The following SNAP29 variants were observed in gnomAD, a reference collection of about 807,000 sequenced individuals.
SNAP29 encodes synaptosome associated protein 29, also known as synaptosomal-associated protein 29.
SNAP29 carries 13 observed loss-of-function variants against 27.9 expected under a neutral mutation model. That is an observed-to-expected ratio of 0.47 (90% CI 0.30 to 0.74). SNAP29 has a LOEUF of 0.74. Among genes scored for constraint, SNAP29 ranks in the 30% least tolerant of loss-of-function variants. SNAP29 has a pLI of 0.06. For missense variants in SNAP29, 368 were observed against 336.5 expected (o/e 1.09, Z -0.73); for synonymous variants, 119 against 127.1 (o/e 0.94, Z 0.43).
At position 20,872,409 on chromosome 22, in the gene SNAP29, C is replaced by CT. The variant is rs362050; in HGVS notation, c.434+1885dup. Among the ~76,000 whole-genome samples, 887 of 149,898 alleles carry CT rather than the reference C, an allele frequency of 5.9e-3. 8 individuals carry two copies. Among genetic ancestry groups the CT allele is most frequent in the East Asian group, 0.055 (276 of 5,028 alleles). The stretch of plus-strand genomic sequence containing the variant: ...GTGCCCACACCATGCCTGGCTAATT[C>CT]TTTTTTTTTGAGACGGAGTCTCACT... On this transcript the variant is annotated intron_variant, in intron 2 of 4. Transcript: ENST00000215730.
At chr22:20,884,190 G>T (rs544854198) in intron 4 of SNAP29, among the ~76,000 whole-genome samples, 1 of 151,996 alleles carries the variant, frequency 6.6e-6, no homozygotes, top group Admixed American at 6.6e-5. Context: ...AAAATTAGCC[G>T]GGCGTGGTGG....
intron 2 of SNAP29, among the ~76,000 whole-genome samples, chr22:20,873,667 C>T (rs1312016133): frequency 1.3e-5 from 2 of 151,734 alleles, no homozygotes; most frequent in East Asian, 1.9e-4. Flanking sequence ...CCCGTCTCTA[C>T]AGAAAAACAC....
chr22:20,890,056 C>G lies in SNAP29; in HGVS notation c.*2220C>G. On this transcript the variant is annotated 3_prime_UTR_variant, in exon 5 of 5. Transcript: ENST00000215730. ...GGCCTCGTTTTGTCCTGTTCTTGTT[C>G]AGACCCTCTCGTTCTACGTCCTGTG... The G allele has an allele frequency of 1.8e-5, 7 of 389,426 alleles. No individual in the cohort carries two copies. Among genetic ancestry groups the G allele is most frequent in the Non-Finnish European group, 3.2e-5 (7 of 221,072 alleles). The allele number at this position is 389,426 out of a possible 1,614,324, so 24.1% of individuals were successfully genotyped here.
At chr22:20,871,482 TAAAAAA>T (rs58294079) in intron 2 of SNAP29, among the ~76,000 whole-genome samples, 9 of 64,154 alleles carry the variant, frequency 1.4e-4, no homozygotes, top group African/African-American at 5.0e-4. Flanking sequence ...TCCCTGTCTC[TAAAAAA>T]AAAAAAAAAA....
intron 1 of SNAP29, among the ~76,000 whole-genome samples, chr22:20,860,194 T>TAAAA (rs397721475): frequency 2.4e-3 from 328 of 138,948 alleles, no homozygotes; most frequent in African/African-American, 8.3e-3. Flanking sequence ...CCACTAAAAT[T>TAAAA]AAAAAAAAAA....
At chr22:20,882,171 C>T (rs1174958591) in intron 3 of SNAP29, among the ~76,000 whole-genome samples, 2 of 151,850 alleles carry the variant, frequency 1.3e-5, no homozygotes. Flanking sequence ...CACCCCGACT[C>T]AGCCCAGTGA....
At chr22:20,863,896 T>C (rs942899642) in intron 1 of SNAP29, among the ~76,000 whole-genome samples, 3 of 152,106 alleles carry the variant, frequency 2.0e-5, no homozygotes, top group African/African-American at 7.2e-5. Flanking sequence ...CTGGTCTGCA[T>C]GTGCTTAATA....
chr22:20,881,298 T>A (rs1179742148), intron 3 of SNAP29, among the ~76,000 whole-genome samples, 164 bp downstream of exon 3: 1 of 152,228 alleles, frequency 6.6e-6, no homozygotes, highest in Non-Finnish European at 1.5e-5. Flanking sequence ...GGACCCCGCA[T>A]GCTCTTGCGG....
intron 4 of SNAP29, among the ~76,000 whole-genome samples, chr22:20,885,140 A>C (rs1024440435): frequency 6.6e-6 from 1 of 152,158 alleles, no homozygotes; most frequent in African/African-American, 2.4e-5. Context: ...GCCTGTGGGC[A>C]GTTCTGTGAG....
intron 4 of SNAP29, among the ~76,000 whole-genome samples, chr22:20,887,047 C>T (rs375616132): frequency 3.0e-4 from 46 of 151,866 alleles, no homozygotes; most frequent in Middle Eastern, 3.2e-3. Context: ...TATGGTGAAA[C>T]CCTATCTCTA....
chr22:20,870,319 G>A lies in SNAP29; in HGVS notation c.238-18G>A, dbSNP rs758992900. 1.2e-6 allele frequency: 2 copies of A among 1,613,652 alleles called. No homozygotes were observed. The highest frequency in any genetic ancestry group is 1.7e-6 in the Non-Finnish European group (2 of 1,179,690). ...AGTCACAGAAAGCTATAATGCCACT[G>A]CCTCTCGGTTTCCCCAGGAGCTCGC... is the stretch of plus-strand genomic sequence containing the variant. On this transcript the variant is annotated intron_variant, in intron 1 of 4. Coordinates refer to ENST00000215730, the MANE Select transcript of SNAP29 (RefSeq NM_004782.4).
chr22:20,863,909 A>G (rs1928395939), intron 1 of SNAP29, among the ~76,000 whole-genome samples: 1 of 151,992 alleles, frequency 6.6e-6, no homozygotes, highest in African/African-American at 2.4e-5. Context: ...GCTTAATAGA[A>G]TGGAGTTTGT....
Position 20,887,780 on chromosome 22 carries a change from G to C in SNAP29, c.721G>C (p.Val241Leu), listed in dbSNP as rs1035500400. ...DDILDRLTTKVDKLDVNIKST... is the reference protein window; with the variant it reads ...DDILDRLTTKLDKLDVNIKST... ...CATTCTTGACCGGCTGACAACCAAA[G>C]TGGACAAGTTAGATGTCAACATAAA... The change falls in exon 5 of 5, where the codon GTG becomes CTG. Residue 241 changes from valine to leucine, a missense_variant. Coordinates refer to ENST00000215730, the MANE Select transcript of SNAP29 (RefSeq NM_004782.4). The C allele has an allele frequency of 4.3e-6, 7 of 1,614,210 alleles. No individual in the cohort carries two copies. Among genetic ancestry groups the C allele is most frequent in the South Asian group, 1.1e-5 (1 of 91,092 alleles).
intron 4 of SNAP29, among the ~76,000 whole-genome samples, chr22:20,885,728 G>A (rs1438381736): frequency 6.6e-6 from 1 of 152,218 alleles, no homozygotes; most frequent in Non-Finnish European, 1.5e-5. Context: ...TTACCGGCAG[G>A]ACGCAGTCTA....
At chr22:20,866,806 T>C (rs1053017854) in intron 1 of SNAP29, among the ~76,000 whole-genome samples, 6 of 152,186 alleles carry the variant, frequency 3.9e-5, no homozygotes, top group African/African-American at 1.4e-4. Context: ...GACCCCCAAC[T>C]TTCTGACTGC....
In SNAP29 at chr22:20,859,127, A is replaced by C; in HGVS notation, c.17A>C (p.Lys6Thr). The C allele has an allele frequency of 6.2e-7, 1 of 1,607,952 alleles. No homozygotes were observed. The highest frequency in any genetic ancestry group is 1.1e-5 in the South Asian group (1 of 90,026). MSAYP[K>T]SYNPFDDDGE... is the part of the protein sequence containing the mutation. ...GCCGGCACCATGTCAGCTTACCCTA[A>C]AAGCTACAATCCGTTCGACGACGAC... is the stretch of plus-strand genomic sequence containing the variant. Residue 6 changes from lysine to threonine, a missense_variant, in exon 1 of 5, where the codon AAA becomes ACA. Lys to Thr is a moderately conservative substitution (Grantham distance 78). Transcript: ENST00000215730.
At chr22:20,873,741 G>A (rs1928651713) in intron 2 of SNAP29, among the ~76,000 whole-genome samples, 1 of 139,960 alleles carries the variant, frequency 7.1e-6, no homozygotes, top group Non-Finnish European at 1.6e-5. Context: ...GCCGAGGCGG[G>A]TGCATCGTTT....
At chr22:20,885,407 A>G (rs1928989031) in intron 4 of SNAP29, among the ~76,000 whole-genome samples, 2 of 152,108 alleles carry the variant, frequency 1.3e-5, no homozygotes, top group African/African-American at 4.8e-5. Context: ...GAAGCCCCAG[A>G]CAGCTGCCAC....
chr22:20,860,751 G>A (rs1928289173), intron 1 of SNAP29, among the ~76,000 whole-genome samples: 1 of 152,126 alleles, frequency 6.6e-6, no homozygotes, highest in South Asian at 2.1e-4. Context: ...AAAAAAAAAG[G>A]TTTAAAAAAA....
Sources: gnomAD v4.1 joint callset for allele counts (sites outside exome capture counted in the v4.1 genomes callset) on GRCh38, gnomAD v4.1.1 for gene constraint, MANE v1.5 for transcripts, NCBI Gene and HGNC (gene_info 2026-07-23, HGNC 2026-07-21) for gene names.